ZNF536: variants seen among roughly 807,000 people sequenced by gnomAD.
The protein encoded by ZNF536 is zinc finger protein 536.
ZNF536 carries 13 observed loss-of-function variants against 84.5 expected under a neutral mutation model. The observed-to-expected ratio is 0.15, with a 90% CI of 0.10 to 0.24. ZNF536 has a LOEUF of 0.24. Ranked by LOEUF, ZNF536 falls within the 10% of genes least tolerant of loss-of-function variation. The probability of loss-of-function intolerance (pLI) is 1.00; values close to 1 mark genes in which losing one functional copy is unlikely to be tolerated. For missense variants in ZNF536, 1,536 were observed against 1,747.5 expected, an observed-to-expected ratio of 0.88 and a Z score of 2.16; for synonymous variants, 811 against 742.5, an observed-to-expected ratio of 1.09 and a Z score of -1.50.
Position 30,507,338 on chromosome 19 carries a change from G to A in ZNF536, c.2171-27509G>A, listed in dbSNP as rs376663258. On this transcript the variant is annotated intron_variant, in intron 2 of 4. Coordinates refer to ENST00000355537, the MANE Select transcript of ZNF536 (RefSeq NM_014717.3). Reference sequence around the variant, plus strand: ...TGCACTCCAGCCTGGGTGACAGAGCGAGACTCCATCTCAAAAAAAAACCAA... The same window carrying A: ...TGCACTCCAGCCTGGGTGACAGAGCAAGACTCCATCTCAAAAAAAAACCAA... Among the ~76,000 whole-genome samples the A allele has an allele frequency of 4.6e-5, 7 of 152,078 alleles. 1 individual carries two copies. Among genetic ancestry groups the A allele is most frequent in the African/African-American group, 1.7e-4 (7 of 41,502 alleles).
intron 1 of ZNF536, among the ~76,000 whole-genome samples, chr19:30,410,465 CTTTTTTTTTTTTTTTTT>C (rs201561646): frequency 6.4e-4 from 79 of 122,618 alleles, no homozygotes; most frequent in Admixed American, 7.6e-4. Context: ...AAGTGAAGGT[CTTTTTTTTTTTTTTTTT>C]TTTTTTTTTT....
chr19:30,306,311 G>A (rs544311415), intron 2 of ZNF536, among the ~76,000 whole-genome samples: 9 of 151,754 alleles, frequency 5.9e-5, no homozygotes, highest in Non-Finnish European at 1.2e-4. Context: ...ACTCAGTAAG[G>A]CTCTTGTCTT....
chr19:30,402,808 TATATATATATATATAA>T lies in ZNF536; in HGVS notation c.-3+30253_-3+30268del, dbSNP rs2050105987. Among the ~76,000 whole-genome samples the T allele has an allele frequency of 2.1e-5, 3 of 140,094 alleles. No homozygotes were observed. The Admixed American group carries it at 2.1e-4, about 10-fold the overall frequency. The allele number at this position is 140,094 out of a possible 152,430, so 91.9% of individuals were successfully genotyped here. A position where few individuals can be genotyped will look rare whatever the true frequency, so the allele number is the denominator to read the frequency against. On this transcript the variant is annotated intron_variant, in intron 1 of 4. Coordinates refer to ENST00000355537, the MANE Select transcript of ZNF536 (RefSeq NM_014717.3). Reference sequence around the variant, plus strand: ...TTTAAAATTAAAAAATATATATATATATATATATATATATAATTTTCAAAAATTTGATTTAAACTAA... The same window carrying T: ...TTTAAAATTAAAAAATATATATATATTTTTCAAAAATTTGATTTAAACTAA...
chr19:30,598,578 G>A (rs763333042), intron 1 of ZNF536, among the ~76,000 whole-genome samples: 2 of 152,108 alleles, frequency 1.3e-5, no homozygotes, highest in South Asian at 4.1e-4. Context: ...GTGTGGGGGA[G>A]GGAGAATGAA....
chr19:30,260,643 G>A (rs1221559666), intron 1 of ZNF536, among the ~76,000 whole-genome samples: 1 of 152,240 alleles, frequency 6.6e-6, no homozygotes, highest in African/African-American at 2.4e-5. Context: ...TGCTGCCACT[G>A]AGAGTCCTTC....
chr19:30,584,124 C>T (rs1247175938), intron 1 of ZNF536, among the ~76,000 whole-genome samples: 1 of 152,176 alleles, frequency 6.6e-6, no homozygotes, highest in Non-Finnish European at 1.5e-5. Context: ...CTGCATCTTC[C>T]TATCTCCCCT....
intron 1 of ZNF536, among the ~76,000 whole-genome samples, chr19:30,580,821 G>T (rs192247767): frequency 1.3e-5 from 2 of 152,300 alleles, no homozygotes; most frequent in African/African-American, 4.8e-5. Context: ...CTGGCTGCTT[G>T]GAACTCTCCC....
intron 2 of ZNF536, among the ~76,000 whole-genome samples, chr19:30,513,051 A>C (rs1333749983): frequency 6.6e-6 from 1 of 151,884 alleles, no homozygotes; most frequent in Non-Finnish European, 1.5e-5. Flanking sequence ...CTTTTCTTTC[A>C]TATTTTCTTT....
chr19:30,586,316 A>G (rs1348397963), intron 1 of ZNF536, among the ~76,000 whole-genome samples: 3 of 152,264 alleles, frequency 2.0e-5, no homozygotes, highest in Non-Finnish European at 4.4e-5. Context: ...TGGAAATCCC[A>G]TAAATGGGTC....
At chr19:30,402,747 G>C (rs1485564483) in intron 1 of ZNF536, among the ~76,000 whole-genome samples, 2 of 143,176 alleles carry the variant, frequency 1.4e-5, no homozygotes, top group African/African-American at 2.5e-5. Context: ...GTGACTTACT[G>C]TAAAAACATG....
chr19:30,648,838 T>C (rs1040472225), intron 1 of ZNF536, among the ~76,000 whole-genome samples: 1 of 152,274 alleles, frequency 6.6e-6, no homozygotes, highest in Non-Finnish European at 1.5e-5. Flanking sequence ...CTGGTTCTTT[T>C]AGTTCACATG....
At chr19:30,663,419 T>C (rs1425665805) in intron 1 of ZNF536, among the ~76,000 whole-genome samples, 1 of 152,022 alleles carries the variant, frequency 6.6e-6, no homozygotes, top group African/African-American at 2.4e-5. Context: ...TAAAATTATA[T>C]AACTCTGTTG....
chr19:30,391,412 A>G (rs1393890310), intron 1 of ZNF536, among the ~76,000 whole-genome samples: 4 of 152,126 alleles, frequency 2.6e-5, no homozygotes, highest in African/African-American at 4.8e-5. Context: ...CCCCATCTCT[A>G]CTAAATACAA....
At chr19:30,236,160 C>T (rs757956466) in intron 1 of ZNF536, among the ~76,000 whole-genome samples, 23 of 152,330 alleles carry the variant, frequency 1.5e-4, no homozygotes, top group South Asian at 8.3e-4. Context: ...TCTGCGCAGC[C>T]GAAACCTCCT....
At chr19:30,363,330 C>T (rs543254635) in intron 3 of ZNF536, among the ~76,000 whole-genome samples, 1 of 152,284 alleles carries the variant, frequency 6.6e-6, no homozygotes, top group South Asian at 2.1e-4. Context: ...GCTGTTGTGA[C>T]CCCTTGAGTT....
intron 1 of ZNF536, among the ~76,000 whole-genome samples, chr19:30,618,956 A>C (rs2048391219): frequency 6.6e-6 from 1 of 152,022 alleles, no homozygotes. Flanking sequence ...TTTTGTATAA[A>C]TTCTTTTTGT....
At chr19:30,664,205 TC>T (rs1182769996) in intron 1 of ZNF536, among the ~76,000 whole-genome samples, 26 of 3,130 alleles carry the variant, frequency 8.3e-3, no homozygotes, top group Admixed American at 0.061. Flanking sequence ...TGCTGAGTTT[TC>T]TCTCTCTCTC....
At chr19:30,627,559 T>C (rs1354483027) in intron 1 of ZNF536, among the ~76,000 whole-genome samples, 1 of 149,802 alleles carries the variant, frequency 6.7e-6, no homozygotes, top group Non-Finnish European at 1.5e-5. Context: ...CCTGCCTCCA[T>C]TGTGCTGTGT....
intron 2 of ZNF536, among the ~76,000 whole-genome samples, chr19:30,498,700 G>A (rs1786915426): frequency 6.6e-6 from 1 of 152,166 alleles, no homozygotes; most frequent in South Asian, 2.1e-4. Flanking sequence ...ATAAGAGGCG[G>A]AGTGGCTGTC....
Sources: allele counts gnomAD v4.1 joint callset (sites outside exome capture counted in the v4.1 genomes callset), GRCh38; gene constraint gnomAD v4.1.1; transcripts MANE v1.5; gene names NCBI Gene and HGNC (gene_info 2026-07-23, HGNC 2026-07-21).